The following NKAIN2 variants were observed in gnomAD, a reference collection of about 807,000 sequenced individuals.
The protein encoded by NKAIN2 is sodium/potassium transporting ATPase interacting 2.
Under a neutral mutation model 32.6 loss-of-function variants are expected in NKAIN2, and 14 were observed. The observed-to-expected ratio is 0.43, with a 90% confidence interval of 0.28 to 0.67. NKAIN2 has a LOEUF of 0.67. Ranked by LOEUF, NKAIN2 falls within the 30% of genes least tolerant of loss-of-function variation. NKAIN2 has a pLI of 0.17. For missense variants in NKAIN2, 198 were observed against 258.3 expected, an observed-to-expected ratio of 0.77 and a Z score of 1.60; for synonymous variants, 80 against 87.2, an observed-to-expected ratio of 0.92 and a Z score of 0.46.
Position 124,450,161 on chromosome 6 carries a change from G to C in NKAIN2, c.273+94814G>C, listed in dbSNP as rs79520390. Reference sequence around the variant, plus strand: ...AAGTCAGTATTGTTTTCATCCTTTCGTGTTTATCCCCATTATCACATTTCT... The same window carrying C: ...AAGTCAGTATTGTTTTCATCCTTTCCTGTTTATCCCCATTATCACATTTCT... On this transcript the variant is annotated intron_variant, in intron 3 of 6. Coordinates refer to ENST00000368417, the MANE Select transcript of NKAIN2 (RefSeq NM_001040214.3). 1.1e-3 allele frequency among the ~76,000 whole-genome samples: 167 copies of C among 152,018 alleles called. 3 individuals are homozygous for C. The East Asian group carries it at 0.031, about 28-fold the overall frequency.
intron 4 of NKAIN2, among the ~76,000 whole-genome samples, chr6:124,775,042 C>G (rs1240445581): frequency 6.6e-6 from 1 of 152,122 alleles, no homozygotes; most frequent in Non-Finnish European, 1.5e-5. Flanking sequence ...TCTAAACCAT[C>G]TGTGCTCTCA....
intron 4 of NKAIN2, among the ~76,000 whole-genome samples, chr6:124,759,637 ACACACACACACACACACACC>A (rs1300646262): frequency 0.011 from 1,133 of 104,950 alleles, 32 homozygotes; most frequent in Non-Finnish European, 0.015. Flanking sequence ...ACACACACAC[ACACACACACACACACACACC>A]CCCTATCTCC....
At chr6:124,674,459 A>C (rs2114484129) in intron 4 of NKAIN2, among the ~76,000 whole-genome samples, 1 of 152,084 alleles carries the variant, frequency 6.6e-6, no homozygotes, top group East Asian at 1.9e-4. Flanking sequence ...TACTATTAAC[A>C]TTTTTAAGAA....
intron 1 of NKAIN2, among the ~76,000 whole-genome samples, chr6:124,210,368 T>C (rs1054778358): frequency 6.6e-6 from 1 of 152,058 alleles, no homozygotes; most frequent in African/African-American, 2.4e-5. Flanking sequence ...AGTCAGGTAA[T>C]GTGATCCTGT....
chr6:124,532,613 G>A (rs1779565656), intron 3 of NKAIN2, among the ~76,000 whole-genome samples: 1 of 152,150 alleles, frequency 6.6e-6, no homozygotes, highest in Admixed American at 6.5e-5. Context: ...TGGGTAGTAT[G>A]GTCCCGCCTA....
chr6:124,158,863 C>T (rs923633513), intron 1 of NKAIN2, among the ~76,000 whole-genome samples: 2 of 152,178 alleles, frequency 1.3e-5, no homozygotes, highest in Admixed American at 1.3e-4. Flanking sequence ...AAGTATCCAA[C>T]ACATGGCCTG....
intron 1 of NKAIN2, among the ~76,000 whole-genome samples, chr6:124,053,105 T>C (rs1782486309): frequency 6.6e-6 from 1 of 152,060 alleles, no homozygotes; most frequent in East Asian, 1.9e-4. Flanking sequence ...TTTTAACTTA[T>C]ATTTTAATTT....
At chr6:124,443,225 A>G in intron 3 of NKAIN2, among the ~76,000 whole-genome samples, 2 of 152,192 alleles carry the variant, frequency 1.3e-5, no homozygotes, top group South Asian at 4.1e-4. Flanking sequence ...TGTCTTCTCA[A>G]GCCTCCAATT....
At chr6:124,257,307 A>G (rs1383117013) in intron 1 of NKAIN2, among the ~76,000 whole-genome samples, 2 of 152,110 alleles carry the variant, frequency 1.3e-5, no homozygotes. Flanking sequence ...AGAAACTCCT[A>G]ACTGATGGAG....
chr6:123,947,700 A>G (rs897689398), intron 1 of NKAIN2, among the ~76,000 whole-genome samples: 4 of 152,280 alleles, frequency 2.6e-5, no homozygotes, highest in African/African-American at 9.6e-5. Context: ...GCAGTGATTA[A>G]GTCATGATAT....
chr6:124,433,326 G>A (rs1292281795), intron 3 of NKAIN2, among the ~76,000 whole-genome samples: 1 of 152,138 alleles, frequency 6.6e-6, no homozygotes, highest in Non-Finnish European at 1.5e-5. Context: ...TCTTTCAAAC[G>A]GGGGAGAATT....
At chr6:124,009,280 A>T (rs112625247) in intron 1 of NKAIN2, among the ~76,000 whole-genome samples, 4,524 of 152,110 alleles carry the variant, frequency 0.03, 104 homozygotes, top group African/African-American at 0.064. Context: ...AGGCTGCCTG[A>T]TGTAGTCATT....
intron 3 of NKAIN2, among the ~76,000 whole-genome samples, chr6:124,460,273 T>C (rs1163740838): frequency 6.6e-6 from 1 of 151,818 alleles, no homozygotes. Context: ...CCTATATTTG[T>C]CCTTTCCTTT....
intron 1 of NKAIN2, among the ~76,000 whole-genome samples, chr6:124,169,148 T>C (rs1788718522): frequency 6.6e-6 from 1 of 152,162 alleles, no homozygotes; most frequent in South Asian, 2.1e-4. Context: ...TTATCCAGTA[T>C]AGCACTGTGC....
chr6:124,179,156 A>G (rs1026286506), intron 1 of NKAIN2, among the ~76,000 whole-genome samples: 1 of 152,236 alleles, frequency 6.6e-6, no homozygotes, highest in Non-Finnish European at 1.5e-5. Context: ...AGGGATATAT[A>G]TGTTTCCTAC....
At chr6:124,287,224 T>C (rs1487451503) in intron 2 of NKAIN2, among the ~76,000 whole-genome samples, 1 of 152,206 alleles carries the variant, frequency 6.6e-6, no homozygotes, top group Non-Finnish European at 1.5e-5. Context: ...ATTATCCTTA[T>C]GTCTAATTTT....
chr6:124,119,890 T>A (rs1246125760), intron 1 of NKAIN2, among the ~76,000 whole-genome samples: 2 of 152,118 alleles, frequency 1.3e-5, no homozygotes, highest in Non-Finnish European at 2.9e-5. Flanking sequence ...AAACAAATCC[T>A]TCTTGGTCCC....
At chr6:124,273,975 A>G (rs1428447237) in intron 1 of NKAIN2, among the ~76,000 whole-genome samples, 2 of 152,200 alleles carry the variant, frequency 1.3e-5, no homozygotes, top group African/African-American at 2.4e-5. Flanking sequence ...GAGTAAAATT[A>G]TAGGCTCTGT....
intron 1 of NKAIN2, among the ~76,000 whole-genome samples, chr6:124,189,143 G>C (rs755420054): frequency 9.2e-5 from 14 of 151,942 alleles, no homozygotes; most frequent in Admixed American, 8.5e-4. Flanking sequence ...GAAAAAAAAC[G>C]TATTTCTTGC....
Sources: gnomAD v4.1 joint callset for allele counts (sites outside exome capture counted in the v4.1 genomes callset) on GRCh38, gnomAD v4.1.1 for gene constraint, MANE v1.5 for transcripts, NCBI Gene and HGNC (gene_info 2026-07-23, HGNC 2026-07-21) for gene names.